CNR1: variants seen among roughly 807,000 people sequenced by gnomAD.
CNR1 encodes cannabinoid receptor 1 (brain).
Under a neutral mutation model 23.0 loss-of-function variants are expected in CNR1, and 10 were observed. That is an observed-to-expected ratio of 0.43 (90% CI 0.27 to 0.74). The LOEUF is 0.74. Among genes scored for constraint, CNR1 ranks in the 30% least tolerant of loss-of-function variants. The pLI, the probability that CNR1 is intolerant of heterozygous loss-of-function variation, is 0.19. For missense variants in CNR1, 422 were observed against 618.8 expected, an observed-to-expected ratio of 0.68 and a Z score of 3.37; for synonymous variants, 271 against 255.2, an observed-to-expected ratio of 1.06 and a Z score of -0.59.
intron 1 of CNR1, among the ~76,000 whole-genome samples, chr6:88,156,950 T>G (rs1278503476): frequency 2.0e-5 from 3 of 152,228 alleles, no homozygotes; most frequent in Non-Finnish European, 2.9e-5. Flanking sequence ...TACCCCAGGA[T>G]GTCTTATTTC....
intron 1 of CNR1, among the ~76,000 whole-genome samples, chr6:88,165,162 A>G (rs1289437031): frequency 1.3e-5 from 2 of 152,196 alleles, no homozygotes; most frequent in African/African-American, 2.4e-5. Context: ...TCTCATGTCT[A>G]TTACAGCAAA....
Position 88,141,281 on chromosome 6 carries a change from T to C in CNR1, c.*2575A>G, listed in dbSNP as rs1365616211. The C allele has an allele frequency of 2.0e-5, 3 of 152,756 alleles. No individual in the cohort carries two copies. The highest frequency in any genetic ancestry group is 2.4e-5 in the African/African-American group (1 of 41,444). 9.5% of individuals were successfully genotyped at this position (152,756 alleles called of 1,614,324 possible). On this transcript the variant is annotated 3_prime_UTR_variant, in exon 2 of 2. Transcript: ENST00000369501. ...CTAACTAGTTTTAAACCTTTTTAAA[T>C]GAAGGTTGTATAACATACGTGATGA...
rs1776770089 is a variant in CNR1 at position 88,140,815 on chromosome 6, C to T, written c.*3041G>A. 6.6e-6 allele frequency: 1 copy of T among 152,320 alleles called. No homozygotes were observed. Among genetic ancestry groups the T allele is most frequent in the South Asian group, 2.1e-4 (1 of 4,820 alleles). The allele number at this position is 152,320 out of a possible 1,614,324, so 9.4% of individuals were successfully genotyped here. On this transcript the variant is annotated 3_prime_UTR_variant, in exon 2 of 2. Transcript: ENST00000369501. Reference sequence around the variant, plus strand: ...GACTTAACTCAAAGTGCCAGAGAGGCTTGGAAATCATCTCAAGTGTAGGAC... The same window carrying T: ...GACTTAACTCAAAGTGCCAGAGAGGTTTGGAAATCATCTCAAGTGTAGGAC...
intron 1 of CNR1, among the ~76,000 whole-genome samples, chr6:88,161,285 GTAT>G (rs1778091862): frequency 6.6e-6 from 1 of 152,192 alleles, no homozygotes; most frequent in Admixed American, 6.5e-5. Context: ...ACAATTCATA[GTAT>G]TCCCAGAACA....
At chr6:88,164,636 C>A (rs1037146567) in intron 1 of CNR1, among the ~76,000 whole-genome samples, 2 of 152,134 alleles carry the variant, frequency 1.3e-5, no homozygotes, top group African/African-American at 4.8e-5. Context: ...TCTTCCCTTG[C>A]AAACTGTCAG....
chr6:88,159,174 A>G (rs556756128), intron 1 of CNR1, among the ~76,000 whole-genome samples: 1 of 152,354 alleles, frequency 6.6e-6, no homozygotes, highest in East Asian at 1.9e-4. Context: ...ATTATTGAGC[A>G]TAACAAGAAA....
intron 1 of CNR1, among the ~76,000 whole-genome samples, chr6:88,156,193 C>T (rs1674438017): frequency 6.6e-6 from 1 of 152,196 alleles, no homozygotes; most frequent in Admixed American, 6.5e-5. Context: ...TCTCCTGGTG[C>T]CCAATGGATG....
At chr6:88,155,970 A>G (rs1330812503) in intron 1 of CNR1, among the ~76,000 whole-genome samples, 1 of 152,206 alleles carries the variant, frequency 6.6e-6, no homozygotes, top group Non-Finnish European at 1.5e-5. Flanking sequence ...CATGTTTATT[A>G]GTAAATGAAA....
At chr6:88,150,933 T>C (rs1777487557) in intron 1 of CNR1, among the ~76,000 whole-genome samples, 1 of 152,230 alleles carries the variant, frequency 6.6e-6, no homozygotes, top group Non-Finnish European at 1.5e-5. Flanking sequence ...GTAGTCTTTC[T>C]AGTCACCTAA....
At chr6:88,160,290 A>C (rs1778025001) in intron 1 of CNR1, among the ~76,000 whole-genome samples, 2 of 152,198 alleles carry the variant, frequency 1.3e-5, no homozygotes, top group African/African-American at 4.8e-5. Flanking sequence ...ACTCTATTTC[A>C]AAATAAATTA....
intron 1 of CNR1, among the ~76,000 whole-genome samples, chr6:88,149,506 C>G (rs889770337): frequency 6.6e-6 from 1 of 152,214 alleles, no homozygotes; most frequent in South Asian, 2.1e-4. Flanking sequence ...ACACAGAAGA[C>G]AGCCACAATG....
In CNR1 at chr6:88,145,153, A is replaced by C; in HGVS notation, c.122T>G (p.Leu41Ter). The C allele has an allele frequency of 6.2e-7, 1 of 1,614,140 alleles. No homozygotes were observed. Among genetic ancestry groups the C allele is most frequent in the Non-Finnish European group, 8.5e-7 (1 of 1,180,006 alleles). ...AGGGAATTTCTGTGGGAAGTACCCT[A>C]ATTTGGATGCCATGTCACCTTTGAT... Reference protein sequence around the residue: ...EDIKGDMASKLGYFPQKFPLT... With the variant: ...EDIKGDMASK Residue 41 changes from leucine (L) to a stop codon, truncating the protein, a stop_gained, in exon 2 of 2, where the codon TTA becomes TGA. Coordinates refer to ENST00000369501, the MANE Select transcript of CNR1 (RefSeq NM_016083.6). LOFTEE classifies it high-confidence loss of function.
At chr6:88,161,785 C>T (rs980062665) in intron 1 of CNR1, among the ~76,000 whole-genome samples, 2 of 152,256 alleles carry the variant, frequency 1.3e-5, no homozygotes, top group Non-Finnish European at 2.9e-5. Flanking sequence ...GAGGTGACAG[C>T]GTCTACTAAA....
intron 1 of CNR1, among the ~76,000 whole-genome samples, chr6:88,157,895 G>A (rs1402117922): frequency 6.6e-6 from 1 of 152,114 alleles, no homozygotes; most frequent in African/African-American, 2.4e-5. Context: ...TACAAATTGA[G>A]GACACAGTGA....
Position 88,145,326 on chromosome 6 carries a change from CAG to C in CNR1, c.-54_-53del, listed in dbSNP as rs1459836441. The C allele has an allele frequency of 2.1e-6, 3 of 1,456,266 alleles. No homozygotes were observed. Among genetic ancestry groups the C allele is most frequent in the South Asian group, 1.3e-5 (1 of 78,062 alleles). 90.2% of individuals were successfully genotyped at this position (1,456,266 alleles called of 1,614,324 possible). ...TCAAAATGACTGAGAAAGTGACCCACAGGGGGCAATCCTAAGAGGAGGGAAAA... is the reference window on the plus strand; with the variant it reads ...TCAAAATGACTGAGAAAGTGACCCACGGGGCAATCCTAAGAGGAGGGAAAA... On this transcript the variant is annotated 5_prime_UTR_variant, in exon 2 of 2. An upstream open reading frame in the 5' UTR loses its in-frame stop. Transcript: ENST00000369501.
Position 88,144,222 on chromosome 6 carries a change from C to T in CNR1, c.1053G>A (p.Val351=). The T allele has an allele frequency of 1.2e-6, 2 of 1,612,150 alleles. No individual in the cohort carries two copies. The highest frequency in any genetic ancestry group is 1.7e-6 in the Non-Finnish European group (2 of 1,180,006). The part of the protein sequence containing the change: ...LAKTLVLILV[V]LIICWGPLLA... ...GCAGAGGGCCCCAGCAGATGATCAA[C>T]ACCACCAGGATCAGGACCAGGGTCT... The change falls in exon 2 of 2, where the codon GTG becomes GTA. Residue 351 remains valine, a synonymous_variant. Coordinates refer to ENST00000369501, the MANE Select transcript of CNR1 (RefSeq NM_016083.6). The surrounding 1 kb of genome is among the most constrained non-coding windows in gnomAD (Gnocchi z 7.8).
intron 1 of CNR1, among the ~76,000 whole-genome samples, chr6:88,152,338 T>G (rs1022475045): frequency 6.6e-6 from 1 of 152,168 alleles, no homozygotes; most frequent in African/African-American, 2.4e-5. Context: ...CCTACTTGCA[T>G]GGACCTAAAG....
chr6:88,156,551 G>A (rs1267389614), intron 1 of CNR1, among the ~76,000 whole-genome samples: 2 of 152,186 alleles, frequency 1.3e-5, no homozygotes, highest in African/African-American at 2.4e-5. Flanking sequence ...ATAGTACTGG[G>A]CTGTGTGAAT....
intron 1 of CNR1, among the ~76,000 whole-genome samples, chr6:88,151,243 A>C (rs1562509489): frequency 6.6e-6 from 1 of 152,198 alleles, no homozygotes; most frequent in Non-Finnish European, 1.5e-5. Context: ...CAAGTCCTTA[A>C]TAGCTCCATG....
Sources: allele counts gnomAD v4.1 joint callset (sites outside exome capture counted in the v4.1 genomes callset), GRCh38; gene constraint gnomAD v4.1.1; non-coding constraint Gnocchi (gnomAD v3.1); transcripts MANE v1.5; gene names NCBI Gene and HGNC (gene_info 2026-07-23, HGNC 2026-07-21).